The following PTPRD variants were observed in gnomAD, a reference collection of about 807,000 sequenced individuals.
PTPRD encodes receptor-type tyrosine-protein phosphatase delta.
A neutral mutation model predicts 214.5 loss-of-function variants in PTPRD; 34 were observed. The ratio of observed to expected loss-of-function variants is 0.16; its 90% confidence interval spans 0.12 to 0.21. The LOEUF (loss-of-function observed/expected upper bound fraction) is 0.21. Among genes scored for constraint, PTPRD ranks in the 10% least tolerant of loss-of-function variants. PTPRD has a pLI of 1.00. For synonymous variants in PTPRD, 1,128 were observed against 845.7 expected, an observed-to-expected ratio of 1.33 and a Z score of -5.79; for missense variants, 2,545 against 2,398.7, an observed-to-expected ratio of 1.06 and a Z score of -1.27.
At chr9:8,678,026 G>A (rs781653489) in intron 12 of PTPRD, among the ~76,000 whole-genome samples, 1 of 152,146 alleles carries the variant, frequency 6.6e-6, no homozygotes, top group Non-Finnish European at 1.5e-5. Flanking sequence ...TCTGCTGACA[G>A]CTTCTCTGTG....
chr9:8,607,576 G>C (rs1170802169), intron 14 of PTPRD, among the ~76,000 whole-genome samples: 3 of 152,184 alleles, frequency 2.0e-5, no homozygotes, highest in African/African-American at 7.2e-5. Flanking sequence ...CCGGGAGGGA[G>C]AAGTTGCACT....
In PTPRD at chr9:8,454,567, C is replaced by T. The variant is rs2096104251; in HGVS notation, c.3876-4730G>A. 5 of 1,612,852 alleles carry T rather than the reference C, an allele frequency of 3.1e-6. No individual in the cohort carries two copies. In the African/African-American group the frequency reaches 4.0e-5, roughly 13 times the overall value. ...TTACTGAACATTAAAGGGGTTTGTT[C>T]TCTATTCCTCACCTGTCGGGTTTAC... is the stretch of plus-strand genomic sequence containing the variant. On this transcript the variant is annotated intron_variant, in intron 33 of 45. Coordinates refer to ENST00000381196, the MANE Select transcript of PTPRD (RefSeq NM_002839.4).
intron 9 of PTPRD, among the ~76,000 whole-genome samples, chr9:9,365,902 T>C: frequency 6.6e-6 from 1 of 151,736 alleles, no homozygotes; most frequent in East Asian, 1.9e-4. Flanking sequence ...ATTCATTCAT[T>C]AGAATTGTGG....
intron 11 of PTPRD, among the ~76,000 whole-genome samples, chr9:8,743,934 A>C (rs899401696): frequency 1.3e-5 from 2 of 151,754 alleles, no homozygotes; most frequent in African/African-American, 4.8e-5. Flanking sequence ...TCAAACTCAA[A>C]TCAGCAAGAA....
chr9:8,804,762 G>A (rs1042645898), intron 11 of PTPRD, among the ~76,000 whole-genome samples: 10 of 152,076 alleles, frequency 6.6e-5, no homozygotes, highest in Admixed American at 4.6e-4. Context: ...CTTTTAGTGT[G>A]CTGAAGAAAT....
intron 27 of PTPRD, among the ~76,000 whole-genome samples, chr9:8,490,410 T>A: frequency 6.6e-6 from 1 of 152,162 alleles, no homozygotes; most frequent in East Asian, 1.9e-4. Flanking sequence ...GGCTCTAAAT[T>A]TAGCCCCAAT....
chr9:9,609,995 A>AG (rs2094432965), intron 7 of PTPRD, among the ~76,000 whole-genome samples: 1 of 152,186 alleles, frequency 6.6e-6, no homozygotes, highest in Non-Finnish European at 1.5e-5. Flanking sequence ...TATATTTACC[A>AG]AATGCCTGGT....
At chr9:8,469,794 C>A (rs1428232423) in intron 31 of PTPRD, among the ~76,000 whole-genome samples, 2 of 152,030 alleles carry the variant, frequency 1.3e-5, no homozygotes, top group Non-Finnish European at 2.9e-5. Context: ...TAACCTTGAA[C>A]TCATCTCCTC....
intron 2 of PTPRD, among the ~76,000 whole-genome samples, chr9:10,458,832 A>G (rs1055842230): frequency 6.6e-6 from 1 of 152,212 alleles, no homozygotes; most frequent in Non-Finnish European, 1.5e-5. Flanking sequence ...TGAATTCAAT[A>G]AAGTTGCAGA....
Position 8,341,101 on chromosome 9 carries a change from A to C in PTPRD, c.5115T>G (p.Ile1705Met), listed in dbSNP as rs868472104. The change falls in exon 41 of 46, where the codon ATT becomes ATG. Residue 1705 changes from isoleucine (I) to methionine (M), a missense_variant. By Grantham distance (10) the Ile-to-Met change is conservative. Transcript: ENST00000381196. ...EGSDYINASFIDGYRQQKAYI... is the reference protein window; with the variant it reads ...EGSDYINASFMDGYRQQKAYI... ...GCAAAAGTAGATACCTGTATCCATC[A>C]ATAAAACTGGCATTGATGTAATCAG... 2.5e-6 allele frequency: 4 copies of C among 1,609,640 alleles called. No homozygotes were observed. Among genetic ancestry groups the C allele is most frequent in the Middle Eastern group, 1.7e-4 (1 of 6,024 alleles).
At chr9:8,526,561 G>C in intron 17 of PTPRD, 66 bp downstream of exon 17, 6 of 1,386,830 alleles carry the variant, frequency 4.3e-6, no homozygotes, top group Non-Finnish European at 5.9e-6. Context: ...GGACAAAGAT[G>C]AGAGGGATGA....
chr9:10,319,868 G>T, intron 3 of PTPRD, among the ~76,000 whole-genome samples: 1 of 152,066 alleles, frequency 6.6e-6, no homozygotes, highest in Admixed American at 6.6e-5. Context: ...GTAGTAACAT[G>T]TTTTCACTTC....
chr9:9,264,643 C>A (rs1033299354), intron 9 of PTPRD, among the ~76,000 whole-genome samples: 1 of 151,424 alleles, frequency 6.6e-6, no homozygotes, highest in Admixed American at 6.6e-5. Flanking sequence ...TGAACCCTTT[C>A]CAAATCTAAG....
rs149627535 is a variant in PTPRD, at chr9:8,984,290, C to A, written c.-104+34407G>T. Among the ~76,000 whole-genome samples, 35 of 151,884 alleles carry A rather than the reference C, an allele frequency of 2.3e-4. No homozygotes were observed. The East Asian group carries it at 5.4e-3, about 24-fold the overall frequency. On this transcript the variant is annotated intron_variant, in intron 11 of 45. Coordinates refer to ENST00000381196, the MANE Select transcript of PTPRD (RefSeq NM_002839.4). ...GTACAATTACTGGCATTTAATGAAA[C>A]CTGGATCATAAAATGTGCCCTAAGC...
At chr9:8,519,985 A>G (rs1212098570) in intron 20 of PTPRD, among the ~76,000 whole-genome samples, 5 of 152,246 alleles carry the variant, frequency 3.3e-5, no homozygotes, top group Admixed American at 3.3e-4. Context: ...ACAGAATGAT[A>G]GTATTTTGTC....
At chr9:10,002,550 G>C (rs1383498615) in intron 4 of PTPRD, among the ~76,000 whole-genome samples, 1 of 150,890 alleles carries the variant, frequency 6.6e-6, no homozygotes, top group Non-Finnish European at 1.5e-5. Flanking sequence ...GCTACTATCA[G>C]ACAAAATAGA....
rs1417739716 is a variant in PTPRD at position 9,933,544 on chromosome 9, T to C, written c.-368+4963A>G. Among the ~76,000 whole-genome samples the C allele has an allele frequency of 6.6e-5, 10 of 151,708 alleles. 1 individual carries two copies. Among genetic ancestry groups the C allele is most frequent in the African/African-American group, 2.2e-4 (9 of 40,904 alleles). On this transcript the variant is annotated intron_variant, in intron 5 of 45. Coordinates refer to ENST00000381196, the MANE Select transcript of PTPRD (RefSeq NM_002839.4). ...AAGAGCTAACTATCCTAAATATATA[T>C]ACACCCAACACAGGAGCACCCAGAT...
At chr9:10,182,297 G>T (rs1451467008) in intron 3 of PTPRD, among the ~76,000 whole-genome samples, 1 of 138,232 alleles carries the variant, frequency 7.2e-6, no homozygotes, top group African/African-American at 2.9e-5. Context: ...AAAAAGAAAG[G>T]AATGCATTTA....
At position 8,367,218 on chromosome 9, in the gene PTPRD, T is replaced by A. The variant is rs575413872; in HGVS notation, c.4661+8718A>T. On this transcript the variant is annotated intron_variant, in intron 39 of 45. Coordinates refer to ENST00000381196, the MANE Select transcript of PTPRD (RefSeq NM_002839.4). ...CAAATATTTAAAATAAGAGTTGCAT[T>A]CAAATAAGCATTTTTTTTTTAAGTT... Among the ~76,000 whole-genome samples the A allele has an allele frequency of 2.0e-5, 3 of 151,156 alleles. No homozygotes were observed. In the East Asian group the frequency reaches 5.8e-4, roughly 29 times the overall value.
Sources: gnomAD v4.1 joint callset for allele counts (sites outside exome capture counted in the v4.1 genomes callset) on GRCh38, gnomAD v4.1.1 for gene constraint, MANE v1.5 for transcripts, NCBI Gene and HGNC (gene_info 2026-07-23, HGNC 2026-07-21) for gene names.